The following NCS1 variants were observed in gnomAD, a reference collection of about 807,000 sequenced individuals.
The protein encoded by NCS1 is neuronal calcium sensor 1.
A neutral mutation model predicts 28.4 loss-of-function variants in NCS1; 6 were observed. The observed-to-expected ratio is 0.21, with a 90% CI of 0.12 to 0.42. The LOEUF (loss-of-function observed/expected upper bound fraction) is 0.42. Ranked by LOEUF, NCS1 falls within the 10% of genes least tolerant of loss-of-function variation. The pLI, the probability that NCS1 is intolerant of heterozygous loss-of-function variation, is 1.00. For missense variants in NCS1, 131 were observed against 241.4 expected (o/e 0.54, Z 3.03); for synonymous variants, 86 against 99.3 (o/e 0.87, Z 0.79).
intron 2 of NCS1, among the ~76,000 whole-genome samples, chr9:130,202,505 G>A (rs2131136722): frequency 6.6e-6 from 1 of 152,006 alleles, no homozygotes; most frequent in East Asian, 1.9e-4. Context: ...CCTTGTCCAT[G>A]TTGTGTCCCT....
intron 1 of NCS1, among the ~76,000 whole-genome samples, chr9:130,174,347 G>A (rs972629306): frequency 2.0e-5 from 3 of 149,942 alleles, no homozygotes; most frequent in African/African-American, 7.6e-5. Context: ...GGCATCATTA[G>A]CACCTCGACT....
At chr9:130,182,777 G>C (rs1832679314) in intron 1 of NCS1, among the ~76,000 whole-genome samples, 1 of 152,236 alleles carries the variant, frequency 6.6e-6, no homozygotes, top group Non-Finnish European at 1.5e-5. Flanking sequence ...CCCTGCTCCT[G>C]GGAAGCCTTG....
At chr9:130,178,295 G>A (rs1205721267) in intron 1 of NCS1, among the ~76,000 whole-genome samples, 1 of 152,206 alleles carries the variant, frequency 6.6e-6, no homozygotes, top group Non-Finnish European at 1.5e-5. Context: ...GAATGGCAGG[G>A]ACTCACCCAG....
intron 2 of NCS1, among the ~76,000 whole-genome samples, chr9:130,217,450 G>A (rs2131150337): frequency 6.6e-6 from 1 of 152,372 alleles, no homozygotes; most frequent in Non-Finnish European, 1.5e-5. Flanking sequence ...GAGAAGGTGG[G>A]GAGGTGGGAG....
At chr9:130,197,669 A>C (rs1425844405) in intron 1 of NCS1, among the ~76,000 whole-genome samples, 9 of 152,126 alleles carry the variant, frequency 5.9e-5, no homozygotes, top group African/African-American at 2.2e-4. Context: ...GCTGTCCTTC[A>C]AGACCCTCTG....
At chr9:130,218,858 T>C (rs1440492725) in intron 3 of NCS1, among the ~76,000 whole-genome samples, 1 of 152,202 alleles carries the variant, frequency 6.6e-6, no homozygotes, top group Non-Finnish European at 1.5e-5. Flanking sequence ...CCCAAAGTGC[T>C]GGGATTTCAG....
chr9:130,182,086 G>A (rs1832666926), intron 1 of NCS1, among the ~76,000 whole-genome samples: 1 of 151,960 alleles, frequency 6.6e-6, no homozygotes, highest in African/African-American at 2.4e-5. Flanking sequence ...GACGACCACC[G>A]TTTACCCAGT....
chr9:130,183,152 G>A (rs528998994), intron 1 of NCS1, among the ~76,000 whole-genome samples: 1 of 152,234 alleles, frequency 6.6e-6, no homozygotes, highest in Non-Finnish European at 1.5e-5. Flanking sequence ...GGGGAAGGGG[G>A]ACAGCCAGGG....
At chr9:130,207,747 G>A (rs1240817507) in intron 2 of NCS1, among the ~76,000 whole-genome samples, 2 of 152,248 alleles carry the variant, frequency 1.3e-5, no homozygotes, top group African/African-American at 2.4e-5. Flanking sequence ...GGCCAACTGG[G>A]CATGCTCACC....
rs1029148803 is a variant in NCS1 at position 130,226,724 on chromosome 9, G to A, written c.*17+220G>A. Among the ~76,000 whole-genome samples, 6 of 152,078 alleles carry A rather than the reference G, an allele frequency of 3.9e-5. No individual in the cohort carries two copies. The highest frequency in any genetic ancestry group is 1.4e-4 in the African/African-American group (6 of 41,432). On this transcript the variant is annotated intron_variant, in intron 7 of 7. Transcript: ENST00000372398. This position sits in a 1 kb window ranked among gnomAD's most constrained non-coding sequence, Gnocchi z 4.8. ...TTTTTATAGACCCAGATCAGCCTGC[G>A]AGTTTGCTTGAACAGAATTTTTCTG...
chr9:130,224,962 C>T (rs781138161), intron 6 of NCS1, among the ~76,000 whole-genome samples: 1 of 152,138 alleles, frequency 6.6e-6, no homozygotes, highest in Non-Finnish European at 1.5e-5. Context: ...GAGGCCAAGG[C>T]GAGTGGATCA....
chr9:130,236,663 T>C lies in NCS1; in HGVS notation c.*3691T>C, dbSNP rs1833599451. ...CATCTTCTGTCTTGGCATCTTAGCA[T>C]CCAGGCTCAGGCTCTGCCCCTTCTC... On this transcript the variant is annotated 3_prime_UTR_variant, in exon 8 of 8. Coordinates refer to ENST00000372398, the MANE Select transcript of NCS1 (RefSeq NM_014286.4). 1 of 152,210 alleles carries C rather than the reference T, an allele frequency of 6.6e-6. No homozygotes were observed. The highest frequency in any genetic ancestry group is 2.1e-4 in the South Asian group (1 of 4,782). The allele number at this position is 152,210 out of a possible 1,614,324, so 9.4% of individuals were successfully genotyped here.
At chr9:130,228,770 A>G (rs1833453977) in intron 7 of NCS1, among the ~76,000 whole-genome samples, 1 of 150,898 alleles carries the variant, frequency 6.6e-6, no homozygotes. Context: ...GGGTTCAAAC[A>G]ATTCTCCTGC....
intron 1 of NCS1, among the ~76,000 whole-genome samples, chr9:130,184,120 TCTTTC>T (rs1832709016): frequency 6.6e-6 from 1 of 152,154 alleles, no homozygotes; most frequent in Admixed American, 6.5e-5. Flanking sequence ...TCTTTTCTTT[TCTTTC>T]TTCTGCTATG....
chr9:130,222,946 A>G (rs1470857011), intron 5 of NCS1, 136 bp from the exon 6 acceptor site: 15 of 723,016 alleles, frequency 2.1e-5, no homozygotes, highest in Non-Finnish European at 3.5e-5. Context: ...CCAGGGCACA[A>G]TGGCAGGGAT....
intron 1 of NCS1, among the ~76,000 whole-genome samples, chr9:130,174,626 C>T (rs1489933530): frequency 2.0e-5 from 3 of 152,004 alleles, no homozygotes; most frequent in East Asian, 3.9e-4. Flanking sequence ...GCCTGACCAA[C>T]GTGGAGAAAC....
intron 1 of NCS1, among the ~76,000 whole-genome samples, chr9:130,178,931 CTTCCCTCCTCT>C: frequency 1.1e-5 from 1 of 93,262 alleles, no homozygotes; most frequent in Admixed American, 1.3e-4. Flanking sequence ...CTTCCCTCCC[CTTCCCTCCTCT>C]TTTTTTTTTT....
chr9:130,173,069 C>T (rs1213039113), intron 1 of NCS1, among the ~76,000 whole-genome samples: 2 of 151,930 alleles, frequency 1.3e-5, no homozygotes, highest in Non-Finnish European at 2.9e-5. Flanking sequence ...GCGGTGGTCC[C>T]GGGAGGGGGC....
At chr9:130,229,462 A>C (rs2131162617) in intron 7 of NCS1, among the ~76,000 whole-genome samples, 1 of 151,828 alleles carries the variant, frequency 6.6e-6, no homozygotes, top group East Asian at 2.0e-4. Context: ...AGCATGTTGG[A>C]CAGGCTGGTC....
Sources: gnomAD v4.1 joint callset for allele counts (sites outside exome capture counted in the v4.1 genomes callset) on GRCh38, gnomAD v4.1.1 for gene constraint, Gnocchi (gnomAD v3.1) non-coding constraint, MANE v1.5 for transcripts, NCBI Gene and HGNC (gene_info 2026-07-23, HGNC 2026-07-21) for gene names.